Variants in ITGBL1 observed in about 807,000 individuals in gnomAD.
The protein encoded by ITGBL1 is integrin subunit beta like 1.
In ITGBL1, 51 loss-of-function variants were observed where a neutral mutation model predicts 68.5. The observed-to-expected ratio is 0.74, with a 90% CI of 0.59 to 0.94. The LOEUF (loss-of-function observed/expected upper bound fraction) is 0.94. ITGBL1 is among the 40% of genes least tolerant of loss of function. The pLI is 0.00. For missense variants in ITGBL1, 649 were observed against 647.4 expected, an observed-to-expected ratio of 1.00 and a Z score of -0.03; for synonymous variants, 209 against 227.3, an observed-to-expected ratio of 0.92 and a Z score of 0.72.
At chr13:101,535,471 C>T (rs1391412706) in intron 2 of ITGBL1, among the ~76,000 whole-genome samples, 2 of 152,070 alleles carry the variant, frequency 1.3e-5, no homozygotes, top group Non-Finnish European at 2.9e-5. Context: ...AACTTTCAAC[C>T]TCTCTCAAAA....
At chr13:101,590,954 C>T (rs144449537) in intron 6 of ITGBL1, among the ~76,000 whole-genome samples, 16 of 151,938 alleles carry the variant, frequency 1.1e-4, no homozygotes, top group East Asian at 3.9e-4. Context: ...CACAGGCTGG[C>T]GTGCAGTGGC....
At chr13:101,455,106 G>C (rs978186312) in intron 2 of ITGBL1, among the ~76,000 whole-genome samples, 1 of 152,120 alleles carries the variant, frequency 6.6e-6, no homozygotes, top group Non-Finnish European at 1.5e-5. Context: ...TTCCAGCCAG[G>C]GTTTGGCAAA....
At chr13:101,679,277 G>A (rs1044971513) in intron 7 of ITGBL1, among the ~76,000 whole-genome samples, 3 of 152,132 alleles carry the variant, frequency 2.0e-5, no homozygotes, top group Admixed American at 1.3e-4. Flanking sequence ...GGTGCATGAC[G>A]TTGATTGCCT....
chr13:101,591,485 G>C (rs2050653729), intron 6 of ITGBL1, among the ~76,000 whole-genome samples: 1 of 152,124 alleles, frequency 6.6e-6, no homozygotes, highest in Admixed American at 6.5e-5. Flanking sequence ...GATTAAATGA[G>C]AGATTTAAAT....
chr13:101,520,835 A>G (rs1198863585), intron 2 of ITGBL1, among the ~76,000 whole-genome samples: 1 of 152,200 alleles, frequency 6.6e-6, no homozygotes, highest in African/African-American at 2.4e-5. Context: ...GTGGAAATGC[A>G]GCATACTAGA....
chr13:101,701,350 C>T (rs1362979015), intron 8 of ITGBL1, among the ~76,000 whole-genome samples: 1 of 151,956 alleles, frequency 6.6e-6, no homozygotes, highest in South Asian at 2.1e-4. Flanking sequence ...CTGGCCAACA[C>T]AGTAAAACCC....
intron 2 of ITGBL1, among the ~76,000 whole-genome samples, chr13:101,502,704 C>G (rs1410189692): frequency 6.6e-6 from 1 of 151,852 alleles, no homozygotes; most frequent in Non-Finnish European, 1.5e-5. Context: ...ATGAGTAAAC[C>G]ACAGTCTTTG....
chr13:101,473,765 T>A (rs1224172581), intron 2 of ITGBL1, among the ~76,000 whole-genome samples: 1 of 152,074 alleles, frequency 6.6e-6, no homozygotes, highest in African/African-American at 2.4e-5. Flanking sequence ...GGAATTTGTC[T>A]TACAACTTGC....
chr13:101,694,333 T>C (rs958710952), intron 8 of ITGBL1, among the ~76,000 whole-genome samples: 1 of 152,202 alleles, frequency 6.6e-6, no homozygotes, highest in Non-Finnish European at 1.5e-5. Context: ...TATATATACG[T>C]ATTCATGTAT....
chr13:101,543,978 C>T (rs2139193758), intron 2 of ITGBL1, among the ~76,000 whole-genome samples: 1 of 152,252 alleles, frequency 6.6e-6, no homozygotes, highest in Admixed American at 6.5e-5. Flanking sequence ...AGGTTTTTAA[C>T]TTCTTTGCCA....
chr13:101,694,411 T>C (rs1381845442), intron 8 of ITGBL1, among the ~76,000 whole-genome samples: 1 of 150,886 alleles, frequency 6.6e-6, no homozygotes, highest in Non-Finnish European at 1.5e-5. Flanking sequence ...TTGTTACTTT[T>C]CTTTTCTTTT....
At chr13:101,580,435 C>CT (rs2050436359) in intron 5 of ITGBL1, among the ~76,000 whole-genome samples, 1 of 55,828 alleles carries the variant, frequency 1.8e-5, no homozygotes, top group South Asian at 7.7e-4. Flanking sequence ...CTTATGGTTT[C>CT]TTTTTATTAT....
chr13:101,697,464 T>C (rs2034029016), intron 8 of ITGBL1, among the ~76,000 whole-genome samples: 1 of 152,214 alleles, frequency 6.6e-6, no homozygotes. Context: ...ATGTACATGG[T>C]GTGCACTTTG....
At chr13:101,490,910 G>A (rs2048766554) in intron 2 of ITGBL1, among the ~76,000 whole-genome samples, 1 of 152,288 alleles carries the variant, frequency 6.6e-6, no homozygotes, top group Admixed American at 6.5e-5. Flanking sequence ...AAGGGCCACA[G>A]ATACTTACTG....
At chr13:101,641,510 T>C (rs902147035) in intron 7 of ITGBL1, among the ~76,000 whole-genome samples, 5 of 151,340 alleles carry the variant, frequency 3.3e-5, no homozygotes, top group African/African-American at 4.8e-5. Context: ...CTTGTGTTTA[T>C]GTGTCTTTCT....
At chr13:101,471,510 ATGTGTGTGTGTGTGTGTATGTATGTG>A (rs1351605324) in intron 2 of ITGBL1, among the ~76,000 whole-genome samples, 1 of 133,856 alleles carries the variant, frequency 7.5e-6, no homozygotes, top group Non-Finnish European at 1.5e-5. Context: ...ACAAATATAT[ATGTGTGTGTGTGTGTGTATGTATGTG>A]TGTGTGTGTG....
chr13:101,685,743 T>A (rs138535975), intron 7 of ITGBL1, among the ~76,000 whole-genome samples: 134 of 152,198 alleles, frequency 8.8e-4, no homozygotes, highest in African/African-American at 3.0e-3. Flanking sequence ...GTTTAATCCA[T>A]GGGATAGCAG....
At chr13:101,499,899 C>T (rs905004466) in intron 2 of ITGBL1, among the ~76,000 whole-genome samples, 1 of 152,230 alleles carries the variant, frequency 6.6e-6, no homozygotes, top group African/African-American at 2.4e-5. Flanking sequence ...CCTTCTGCTG[C>T]GTCAGCCTCC....
chr13:101,502,360 A>G (rs1208888697), intron 2 of ITGBL1, among the ~76,000 whole-genome samples: 1 of 152,064 alleles, frequency 6.6e-6, no homozygotes, highest in Non-Finnish European at 1.5e-5. Flanking sequence ...GTCCCATCCT[A>G]AGTTTGTTCT....
Sources: allele counts gnomAD v4.1 joint callset (sites outside exome capture counted in the v4.1 genomes callset), GRCh38; gene constraint gnomAD v4.1.1; transcripts MANE v1.5; gene names NCBI Gene and HGNC (gene_info 2026-07-23, HGNC 2026-07-21).